The following TMEM235 variants were observed in gnomAD, a reference collection of about 807,000 sequenced individuals.
The protein encoded by TMEM235 is transmembrane protein 235, also known as claudin-27.
TMEM235 carries 23 observed loss-of-function variants against 22.9 expected under a neutral mutation model. The ratio of observed to expected loss-of-function variants is 1.00; its 90% confidence interval spans 0.72 to 1.42. TMEM235 has a LOEUF of 1.42. TMEM235 is among the 40% of genes most tolerant of loss of function. The pLI is 0.00. For synonymous variants in TMEM235, 137 were observed against 140.5 expected (o/e 0.98, Z 0.17); for missense variants, 308 against 299.5 (o/e 1.03, Z -0.21).
exon 5 of TMEM235, chr17:78,239,087 C>T (rs1187586476): frequency 8.4e-6 from 13 of 1,544,340 alleles, no homozygotes; most frequent in East Asian, 2.4e-5. Context: ...TTTGCGGAGA[C>T]GGTGCAGCAG....
At chr17:78,234,483 G>A (rs1270021226) in intron 3 of TMEM235, 110 bp from the exon 3 acceptor site, 12 of 1,467,478 alleles carry the variant, frequency 8.2e-6, no homozygotes, top group Admixed American at 4.0e-5. Flanking sequence ...AGAGATGGGC[G>A]TCAGCCGCTT....
At chr17:78,232,521 T>A (rs2076594822) in intron 2 of TMEM235, among the ~76,000 whole-genome samples, 2 of 152,280 alleles carry the variant, frequency 1.3e-5, no homozygotes, top group South Asian at 4.1e-4. Flanking sequence ...CTCATCCAAG[T>A]CACCAGGGGT....
At chr17:78,235,437 G>A (rs191681824) in intron 4 of TMEM235, among the ~76,000 whole-genome samples, 92 of 151,952 alleles carry the variant, frequency 6.1e-4, no homozygotes, top group African/African-American at 2.0e-3. Flanking sequence ...ACAGGCATGC[G>A]CCACCACACC....
intron 2 of TMEM235, among the ~76,000 whole-genome samples, chr17:78,232,592 A>G (rs2076595628): frequency 6.6e-6 from 1 of 152,200 alleles, no homozygotes; most frequent in African/African-American, 2.4e-5. Context: ...CGTCCCTGTC[A>G]GGCACTGTCA....
At chr17:78,235,742 A>G (rs1222442859) in intron 4 of TMEM235, among the ~76,000 whole-genome samples, 2 of 151,928 alleles carry the variant, frequency 1.3e-5, no homozygotes. Flanking sequence ...CTGGGACTAC[A>G]GGCACCTGCC....
exon 2 of TMEM235, chr17:78,231,802 C>G: frequency 1.6e-6 from 2 of 1,212,492 alleles, no homozygotes; most frequent in Non-Finnish European, 2.1e-6. Context: ...TCTCCTTTCC[C>G]CCAGGGGCGA....
At chr17:78,239,825 G>C (rs1018541941) in exon 6 of TMEM235, 1 of 1,551,150 alleles carries the variant, frequency 6.4e-7, no homozygotes. Flanking sequence ...CACCCAGATC[G>C]CCTGGCGCCA....
chr17:78,234,642 C>T (rs187765975), exon 4 of TMEM235: 6 of 1,536,112 alleles, frequency 3.9e-6, no homozygotes, highest in Admixed American at 2.0e-5. Context: ...TGGTCCTTCT[C>T]GTGTGTGGCT....
At chr17:78,233,822 C>G (rs914720203) in intron 2 of TMEM235, 73 bp from the exon 2 acceptor site, 4 of 1,406,814 alleles carry the variant, frequency 2.8e-6, no homozygotes, top group Non-Finnish European at 3.9e-6. Context: ...GCCAGGGGGT[C>G]CCCTGGGCTC....
At chr17:78,240,396 T>C (rs7211670) in exon 6 of TMEM235, 94,829 of 173,442 alleles carry the variant, frequency 0.55, 26,604 homozygotes, top group Non-Finnish European at 0.6. Flanking sequence ...AGGGGCTCAG[T>C]TTGCAGGCCC....
At chr17:78,235,001 T>G (rs946538469) in intron 4 of TMEM235, among the ~76,000 whole-genome samples, 1 of 152,262 alleles carries the variant, frequency 6.6e-6, no homozygotes, top group Non-Finnish European at 1.5e-5. Flanking sequence ...ATGCCTGTGA[T>G]CCCAGCACTT....
chr17:78,239,040 G>A (rs1033699728), exon 5 of TMEM235: 25 of 1,541,250 alleles, frequency 1.6e-5, no homozygotes, highest in Non-Finnish European at 2.1e-5. Context: ...TGACACTGGC[G>A]GGGGTCAGCA....
chr17:78,231,384 C>T (rs2076576751), intron 1 of TMEM235: 1 of 1,258,316 alleles, frequency 7.9e-7, no homozygotes, highest in Non-Finnish European at 1.0e-6. Context: ...CTGGAGGGGG[C>T]ATTTGTAATT....
Position 78,236,280 on chromosome 17 carries a change from A to G in TMEM235, c.409+1550A>G, listed in dbSNP as rs573602060. ...CTCACCACACCCTTCTCCTTCCTGTACTGTCCTGGTGGGAGGAGCAAGGGT... is the reference window on the plus strand; with the variant it reads ...CTCACCACACCCTTCTCCTTCCTGTGCTGTCCTGGTGGGAGGAGCAAGGGT... On this transcript the variant is annotated intron_variant, in intron 4 of 5. Coordinates refer to ENST00000421688, the Ensembl canonical transcript of TMEM235. 4.8e-4 allele frequency among the ~76,000 whole-genome samples: 73 copies of G among 152,234 alleles called. 1 individual carries two copies. In the South Asian group the frequency reaches 0.014, roughly 30 times the overall value.
At chr17:78,236,309 G>A (rs955546630) in intron 4 of TMEM235, among the ~76,000 whole-genome samples, 8 of 152,336 alleles carry the variant, frequency 5.3e-5, no homozygotes, top group South Asian at 2.1e-4. Context: ...CAAGGGTTCC[G>A]GGGTTTGGCA....
At chr17:78,231,381 G>T (rs1470566874) in intron 1 of TMEM235, 1 of 1,255,984 alleles carries the variant, frequency 8.0e-7, no homozygotes, top group East Asian at 5.8e-5. Flanking sequence ...TTGCTGGAGG[G>T]GGCATTTGTA....
exon 2 of TMEM235, chr17:78,231,933 C>CCCCCCGT (rs1295451742): frequency 2.0e-6 from 2 of 997,132 alleles, no homozygotes; most frequent in East Asian, 1.1e-4. Flanking sequence ...CGCCCGCCCG[C>CCCCCCGT]CCCCCGTCCC....
rs1326557180 is a variant in TMEM235, at chr17:78,239,280, G to C, written c.659+7G>C. 4 of 1,537,620 alleles carry C rather than the reference G, an allele frequency of 2.6e-6. No homozygotes were observed. The highest frequency in any genetic ancestry group is 3.5e-6 in the Non-Finnish European group (4 of 1,146,078). On this transcript the variant is annotated splice_region_variant and intron_variant, in intron 5 of 5. Transcript: ENST00000421688. ...CCCAGCAGGTGGGAGGGAGGTAAGAGGGGGCTGGGTTTCCCTTTGCACCTC... is the reference window on the plus strand; with the variant it reads ...CCCAGCAGGTGGGAGGGAGGTAAGACGGGGCTGGGTTTCCCTTTGCACCTC...
At chr17:78,239,831 C>A (rs374568034) in exon 6 of TMEM235, 2 of 1,551,400 alleles carry the variant, frequency 1.3e-6, no homozygotes, top group African/African-American at 2.7e-5. Flanking sequence ...GATCGCCTGG[C>A]GCCAGAGAGA....
Sources: allele counts gnomAD v4.1 joint callset (sites outside exome capture counted in the v4.1 genomes callset), GRCh38; gene constraint gnomAD v4.1.1; transcripts MANE v1.5; gene names NCBI Gene and HGNC (gene_info 2026-07-23, HGNC 2026-07-21).